Variants in ADGB observed in about 807,000 individuals in gnomAD.
The protein encoded by ADGB is androglobin, also known as calpain-7-like protein.
A neutral mutation model predicts 210.5 loss-of-function variants in ADGB; 172 were observed. The ratio of observed to expected loss-of-function variants is 0.82; its 90% CI spans 0.72 to 0.93. The LOEUF is 0.93. Among genes scored for constraint, ADGB ranks in the 40% least tolerant of loss-of-function variants. The pLI is 0.00. For missense variants in ADGB, 2,025 were observed against 1,964.8 expected (o/e 1.03, Z -0.58); for synonymous variants, 658 against 662.7 (o/e 0.99, Z 0.11).
intron 35 of ADGB, among the ~76,000 whole-genome samples, chr6:146,811,906 C>G (rs1160628567): frequency 6.6e-6 from 1 of 152,112 alleles, no homozygotes; most frequent in East Asian, 1.9e-4. Flanking sequence ...GAACTCCTGA[C>G]CTCATGATCC....
At chr6:146,735,395 A>G (rs1233206283) in intron 22 of ADGB, among the ~76,000 whole-genome samples, 2 of 151,754 alleles carry the variant, frequency 1.3e-5, no homozygotes, top group Non-Finnish European at 2.9e-5. Context: ...ACATTCATGA[A>G]AGAGAGAGAG....
In ADGB at chr6:146,731,306, C is replaced by T. The variant is rs770392982; in HGVS notation, c.2521-1814C>T. On this transcript the variant is annotated intron_variant, in intron 20 of 35. Coordinates refer to ENST00000397944, the MANE Select transcript of ADGB (RefSeq NM_024694.4). ...TCTTATCCATTCTTCAAGTTGGTAG[C>T]TGGTCACAAGGTCTAAAATTAAACA... 3.6e-4 allele frequency among the ~76,000 whole-genome samples: 54 copies of T among 151,608 alleles called. 1 individual carries two copies. The highest frequency in any genetic ancestry group is 1.0e-4 in the Non-Finnish European group (7 of 67,976).
At chr6:146,647,974 C>T (rs1315830278) in intron 3 of ADGB, among the ~76,000 whole-genome samples, 1 of 151,972 alleles carries the variant, frequency 6.6e-6, no homozygotes, top group African/African-American at 2.4e-5. Flanking sequence ...AACTTTATCA[C>T]ATACAAAGGT....
At chr6:146,665,602 G>A (rs1562268866) in intron 6 of ADGB, among the ~76,000 whole-genome samples, 1 of 152,032 alleles carries the variant, frequency 6.6e-6, no homozygotes, top group Non-Finnish European at 1.5e-5. Context: ...AATTGGAGTG[G>A]TATTTTATCT....
rs1776746334 is a variant in ADGB, at chr6:146,717,036, G to C, written c.1895G>C (p.Trp632Ser). 1 of 1,551,426 alleles carries C rather than the reference G, an allele frequency of 6.4e-7. No individual in the cohort carries two copies. The highest frequency in any genetic ancestry group is 1.2e-5 in the South Asian group (1 of 84,044). ...TTNNSVSKEI[W>S]LDFEDFCVCF... ...AATAATAGTGTTTCTAAAGAAATATGGTTAGATTTTGAAGATTTCTGTGTA... is the reference window on the plus strand; with the variant it reads ...AATAATAGTGTTTCTAAAGAAATATCGTTAGATTTTGAAGATTTCTGTGTA... The change falls in exon 15 of 36, where the codon TGG becomes TCG. Residue 632 changes from tryptophan to serine, a missense_variant. Transcript: ENST00000397944.
chr6:146,736,938 C>T (rs1200135251), intron 23 of ADGB, among the ~76,000 whole-genome samples: 2 of 152,040 alleles, frequency 1.3e-5, no homozygotes. Flanking sequence ...GAGGACAACA[C>T]TTTCTAAACA....
At chr6:146,792,218 C>T (rs1777964704) in intron 33 of ADGB, among the ~76,000 whole-genome samples, 2 of 151,994 alleles carry the variant, frequency 1.3e-5, no homozygotes, top group Non-Finnish European at 2.9e-5. Context: ...TTTTGGGGTT[C>T]CATACAAATT....
chr6:146,753,612 G>T (rs560154003), intron 27 of ADGB, among the ~76,000 whole-genome samples: 1 of 151,904 alleles, frequency 6.6e-6, no homozygotes, highest in Non-Finnish European at 1.5e-5. Context: ...ATTGATAGCT[G>T]TGAATTCTAA....
intron 3 of ADGB, among the ~76,000 whole-genome samples, chr6:146,653,889 G>A (rs1464883570): frequency 6.6e-6 from 1 of 151,644 alleles, no homozygotes; most frequent in African/African-American, 2.4e-5. Context: ...TATTTCTCTG[G>A]TTGTGAGAAC....
chr6:146,655,305 T>A (rs1775763448), intron 4 of ADGB, among the ~76,000 whole-genome samples: 1 of 152,124 alleles, frequency 6.6e-6, no homozygotes, highest in South Asian at 2.1e-4. Context: ...TGTTGTATGA[T>A]GTGATAGTGC....
At chr6:146,740,702 A>G in intron 24 of ADGB, 109 bp downstream of exon 24, 2 of 1,120,516 alleles carry the variant, frequency 1.8e-6, no homozygotes, top group Non-Finnish European at 2.4e-6. Context: ...TGCTTTCATA[A>G]GTTAGTTAAA....
chr6:146,805,859 CATTT>C (rs1421137765), intron 35 of ADGB, among the ~76,000 whole-genome samples: 5 of 152,090 alleles, frequency 3.3e-5, no homozygotes, highest in African/African-American at 9.7e-5. Context: ...CCTGCATGTG[CATTT>C]ATTTATTGGC....
chr6:146,642,805 T>C (rs1235595311), intron 2 of ADGB, among the ~76,000 whole-genome samples: 1 of 151,828 alleles, frequency 6.6e-6, no homozygotes, highest in Non-Finnish European at 1.5e-5. Flanking sequence ...AGATAACTAT[T>C]GGGTTCTGGG....
intron 10 of ADGB, among the ~76,000 whole-genome samples, chr6:146,688,958 G>T (rs1352224668): frequency 1.3e-5 from 2 of 151,986 alleles, no homozygotes; most frequent in Non-Finnish European, 2.9e-5. Flanking sequence ...CGAAAATCAA[G>T]AACAAAACTC....
intron 1 of ADGB, among the ~76,000 whole-genome samples, chr6:146,623,678 A>C (rs1338508677): frequency 6.6e-6 from 1 of 151,938 alleles, no homozygotes; most frequent in African/African-American, 2.4e-5. Context: ...TTAGGTGGGC[A>C]AAGCATTCAG....
At chr6:146,677,573 G>C (rs6928002) in intron 9 of ADGB, among the ~76,000 whole-genome samples, 41,106 of 151,970 alleles carry the variant, frequency 0.27, 6,246 homozygotes, top group African/African-American at 0.42. Flanking sequence ...TTGATAGTGA[G>C]AAACATTACA....
At chr6:146,648,660 A>G (rs981178812) in intron 3 of ADGB, among the ~76,000 whole-genome samples, 3 of 152,200 alleles carry the variant, frequency 2.0e-5, no homozygotes, top group African/African-American at 4.8e-5. Flanking sequence ...ATCACCTTCC[A>G]ATGGACTGCT....
chr6:146,603,437 A>G (rs1463991822), intron 1 of ADGB, among the ~76,000 whole-genome samples: 1 of 152,204 alleles, frequency 6.6e-6, no homozygotes, highest in African/African-American at 2.4e-5. Flanking sequence ...CATACACTTT[A>G]TACACTAAAA....
chr6:146,706,964 A>G lies in ADGB; in HGVS notation c.1707+5894A>G, dbSNP rs192701387. Among the ~76,000 whole-genome samples, 71 of 149,994 alleles carry G rather than the reference A, an allele frequency of 4.7e-4. No homozygotes were observed. The East Asian group carries it at 9.2e-3, about 19-fold the overall frequency. ...TTTTTCTAGTTCCCTGAGGTGTAACATTATGTTTTAAATTTGAAATTCTTC... is the reference window on the plus strand; with the variant it reads ...TTTTTCTAGTTCCCTGAGGTGTAACGTTATGTTTTAAATTTGAAATTCTTC... On this transcript the variant is annotated intron_variant, in intron 13 of 35. Coordinates refer to ENST00000397944, the MANE Select transcript of ADGB (RefSeq NM_024694.4).
Sources: allele counts gnomAD v4.1 joint callset (sites outside exome capture counted in the v4.1 genomes callset), GRCh38; gene constraint gnomAD v4.1.1; transcripts MANE v1.5; gene names NCBI Gene and HGNC (gene_info 2026-07-23, HGNC 2026-07-21).